Variants in MALRD1 observed in about 807,000 individuals in gnomAD.
MALRD1 encodes the protein MAM and LDL-receptor class A domain-containing protein 1.
MALRD1 carries 247 observed loss-of-function variants against 242.1 expected under a neutral mutation model. The ratio of observed to expected loss-of-function variants is 1.02; its 90% CI spans 0.92 to 1.13. The LOEUF (loss-of-function observed/expected upper bound fraction) is 1.13. MALRD1 is among the 50% of genes most tolerant of loss of function. MALRD1 has a pLI of 0.00. For missense variants in MALRD1, 2,989 were observed against 2,533.1 expected (o/e 1.18, Z -3.86); for synonymous variants, 995 against 866.6 (o/e 1.15, Z -2.60).
intron 24 of MALRD1, among the ~76,000 whole-genome samples, chr10:19,345,420 C>A (rs1025502994): frequency 6.6e-6 from 1 of 152,002 alleles, no homozygotes; most frequent in Non-Finnish European, 1.5e-5. Context: ...ACTAAGACAG[C>A]GGTTCATATT....
intron 28 of MALRD1, among the ~76,000 whole-genome samples, chr10:19,394,044 T>C (rs1480259503): frequency 6.6e-6 from 1 of 152,178 alleles, no homozygotes; most frequent in East Asian, 1.9e-4. Context: ...AATTTGAATA[T>C]ATTTAATTGA....
intron 24 of MALRD1, 118 bp from the exon 25 acceptor site, chr10:19,347,653 G>A (rs1844191322): frequency 8.4e-7 from 1 of 1,186,812 alleles, no homozygotes; most frequent in Non-Finnish European, 1.2e-6. Context: ...TATCAGGATA[G>A]CATTATGAAG....
chr10:19,302,487 A>G (rs775592977), intron 21 of MALRD1, among the ~76,000 whole-genome samples: 28 of 151,856 alleles, frequency 1.8e-4, no homozygotes, highest in Admixed American at 5.3e-4. Context: ...GTGCTACAAC[A>G]TGGATGAACG....
At chr10:19,091,686 T>A (rs1324688319) in intron 4 of MALRD1, among the ~76,000 whole-genome samples, 1 of 84,764 alleles carries the variant, frequency 1.2e-5, no homozygotes, top group Non-Finnish European at 2.3e-5. Context: ...GATGTTAGGG[T>A]GTCAATTTTG....
At position 19,280,219 on chromosome 10, in the gene MALRD1, C is replaced by G; in HGVS notation, c.3252C>G (p.Ser1084=). The change falls in exon 20 of 40, where the codon TCC becomes TCG. Residue 1084 remains serine (S), a synonymous_variant. Coordinates refer to ENST00000454679, the MANE Select transcript of MALRD1 (RefSeq NM_001142308.3). ...GCCCTGACAAATCAGATGAAGCATC[C>G]TGTGGTAGGTGGATTCTTAAAATTT... ...YDCPDKSDEA[S]CVMEVCSFEK... The G allele has an allele frequency of 6.7e-7, 1 of 1,498,462 alleles. No individual in the cohort carries two copies. Among genetic ancestry groups the G allele is most frequent in the South Asian group, 1.3e-5 (1 of 75,002 alleles). The allele number at this position is 1,498,462 out of a possible 1,614,324, so 92.8% of individuals were successfully genotyped here.
At chr10:19,447,275 A>G (rs1280790389) in intron 28 of MALRD1, among the ~76,000 whole-genome samples, 1 of 152,214 alleles carries the variant, frequency 6.6e-6, no homozygotes, top group Non-Finnish European at 1.5e-5. Flanking sequence ...GAATAAAGGA[A>G]TGAATGAATG....
intron 29 of MALRD1, among the ~76,000 whole-genome samples, chr10:19,455,613 C>T (rs1337756120): frequency 6.6e-6 from 1 of 152,154 alleles, no homozygotes; most frequent in Non-Finnish European, 1.5e-5. Flanking sequence ...TTGAAAAACA[C>T]ATGAGATATA....
intron 8 of MALRD1, among the ~76,000 whole-genome samples, chr10:19,129,718 A>G (rs1837392813): frequency 6.7e-6 from 1 of 149,010 alleles, no homozygotes; most frequent in East Asian, 1.9e-4. Context: ...AAATATATTC[A>G]TAATAAATAA....
At chr10:19,082,588 G>A (rs1034560343) in intron 2 of MALRD1, among the ~76,000 whole-genome samples, 1 of 151,822 alleles carries the variant, frequency 6.6e-6, no homozygotes, top group Non-Finnish European at 1.5e-5. Context: ...GAGACATTGT[G>A]TATTGATTGC....
At chr10:19,483,185 C>A (rs923908269) in intron 29 of MALRD1, among the ~76,000 whole-genome samples, 1 of 141,368 alleles carries the variant, frequency 7.1e-6, no homozygotes, top group African/African-American at 2.7e-5. Flanking sequence ...TAATGGAAGA[C>A]CTGAAACTAT....
intron 33 of MALRD1, among the ~76,000 whole-genome samples, chr10:19,580,689 G>A (rs756223623): frequency 4.6e-5 from 7 of 152,082 alleles, no homozygotes; most frequent in Non-Finnish European, 8.8e-5. Context: ...CTTTGGCCTC[G>A]ACTAGCTGCA....
intron 29 of MALRD1, chr10:19,489,284 C>G (rs1837377331): frequency 4.1e-6 from 2 of 493,442 alleles, no homozygotes; most frequent in East Asian, 6.0e-5. Flanking sequence ...AAAGGGAAAA[C>G]AGGCCTAAGT....
chr10:19,707,529 T>A (rs1255267684), intron 38 of MALRD1, among the ~76,000 whole-genome samples: 1 of 152,076 alleles, frequency 6.6e-6, no homozygotes, highest in Non-Finnish European at 1.5e-5. Context: ...AGATTTTCAG[T>A]CTAGAGGGCA....
chr10:19,237,280 C>T (rs370804393), intron 18 of MALRD1, among the ~76,000 whole-genome samples: 1 of 151,156 alleles, frequency 6.6e-6, no homozygotes, highest in Non-Finnish European at 1.5e-5. Flanking sequence ...AGTCTCCCTC[C>T]ATTTTGCCCT....
chr10:19,266,100 C>T lies in MALRD1; in HGVS notation c.3079+8329C>T, dbSNP rs1839963337. Among the ~76,000 whole-genome samples, 4 of 150,746 alleles carry T rather than the reference C, an allele frequency of 2.7e-5. No homozygotes were observed. In the South Asian group the frequency reaches 8.4e-4, roughly 31 times the overall value. ...TCTTTCAGTTTTAGTATATCTGTGT[C>T]CTCAAAGTGGAAGTGAGACTCTTGT... is the stretch of plus-strand genomic sequence containing the variant. On this transcript the variant is annotated intron_variant, in intron 19 of 39. Transcript: ENST00000454679.
At chr10:19,177,551 A>C (rs759926778) in intron 14 of MALRD1, among the ~76,000 whole-genome samples, 3 of 152,142 alleles carry the variant, frequency 2.0e-5, no homozygotes, top group Non-Finnish European at 4.4e-5. Context: ...AATGAGAGAA[A>C]AGCATAACAA....
At chr10:19,189,893 G>T (rs909977943) in intron 14 of MALRD1, among the ~76,000 whole-genome samples, 1 of 152,048 alleles carries the variant, frequency 6.6e-6, no homozygotes, top group African/African-American at 2.4e-5. Context: ...TTTCTTCTAA[G>T]ATCAGGAATA....
At chr10:19,696,142 A>G (rs1025445304) in intron 38 of MALRD1, among the ~76,000 whole-genome samples, 12 of 152,148 alleles carry the variant, frequency 7.9e-5, no homozygotes, top group Admixed American at 1.3e-4. Context: ...CTGCATCTGC[A>G]TGAAGGAACT....
intron 19 of MALRD1, among the ~76,000 whole-genome samples, chr10:19,265,215 A>T (rs1839922574): frequency 5.3e-5 from 8 of 151,538 alleles, no homozygotes; most frequent in Admixed American, 5.3e-4. Flanking sequence ...TCTTCATTGT[A>T]ATTATTTTTG....
Sources: gnomAD v4.1 joint callset for allele counts (sites outside exome capture counted in the v4.1 genomes callset) on GRCh38, gnomAD v4.1.1 for gene constraint, MANE v1.5 for transcripts, NCBI Gene and HGNC (gene_info 2026-07-23, HGNC 2026-07-21) for gene names.